Variants in IL20RB observed in about 807,000 individuals in gnomAD.
The protein encoded by IL20RB is interleukin-20 receptor subunit beta.
A neutral mutation model predicts 33.3 loss-of-function variants in IL20RB; 21 were observed. That is an observed-to-expected ratio of 0.63 (90% confidence interval 0.45 to 0.91). The LOEUF (loss-of-function observed/expected upper bound fraction) is 0.91, where lower values mean the gene tolerates loss of function less well. IL20RB is among the 40% of genes least tolerant of loss of function. The probability of loss-of-function intolerance (pLI) is 0.00; values close to 1 mark genes in which losing one functional copy is unlikely to be tolerated. For missense variants in IL20RB, 345 were observed against 384.8 expected, an observed-to-expected ratio of 0.90 and a Z score of 0.86; for synonymous variants, 147 against 146.8, an observed-to-expected ratio of 1.00 and a Z score of -0.01.
At chr3:136,995,613 C>T in intron 6 of IL20RB, 57 bp downstream of exon 6, 1 of 1,559,582 alleles carries the variant, frequency 6.4e-7, no homozygotes, top group East Asian at 2.3e-5. Context: ...GTAGTTTGGG[C>T]CTTAGCTGGG....
At chr3:136,971,323 A>G (rs1000251920) in intron 1 of IL20RB, among the ~76,000 whole-genome samples, 3 of 151,574 alleles carry the variant, frequency 2.0e-5, no homozygotes, top group Non-Finnish European at 2.9e-5. Context: ...TAGAGATGGG[A>G]TTTCACCATG....
chr3:137,004,076 G>A (rs532983670), intron 6 of IL20RB, among the ~76,000 whole-genome samples: 74 of 152,298 alleles, frequency 4.9e-4, no homozygotes, highest in African/African-American at 1.7e-3. Flanking sequence ...ATTGATTTGT[G>A]TATGTTGAAT....
At chr3:137,009,574 T>C (rs916885976) in intron 6 of IL20RB, among the ~76,000 whole-genome samples, 1 of 152,132 alleles carries the variant, frequency 6.6e-6, no homozygotes, top group Non-Finnish European at 1.5e-5. Flanking sequence ...GGTCTTGCTC[T>C]GTTACCTAGG....
intron 1 of IL20RB, among the ~76,000 whole-genome samples, chr3:136,958,778 C>T (rs1941114315): frequency 6.6e-6 from 1 of 152,156 alleles, no homozygotes; most frequent in Admixed American, 6.5e-5. Flanking sequence ...TACCTATCTG[C>T]TTTATTGTCT....
intron 6 of IL20RB, among the ~76,000 whole-genome samples, chr3:136,998,204 C>A (rs1220885800): frequency 8.8e-6 from 1 of 113,140 alleles, no homozygotes; most frequent in Non-Finnish European, 1.9e-5. Flanking sequence ...TTTTGAATTT[C>A]ACTTTAGTGA....
chr3:136,986,057 C>A (rs1401267620), intron 3 of IL20RB, among the ~76,000 whole-genome samples: 1 of 152,024 alleles, frequency 6.6e-6, no homozygotes, highest in African/African-American at 2.4e-5. Context: ...AGATCAAGAC[C>A]ATCCTGGCTA....
chr3:136,963,604 A>G (rs572057770), intron 1 of IL20RB, among the ~76,000 whole-genome samples: 2 of 147,474 alleles, frequency 1.4e-5, no homozygotes, highest in Non-Finnish European at 3.0e-5. Context: ...TCCTTTGCCT[A>G]TTTTTAGATT....
chr3:137,007,712 A>T (rs1253297835), intron 6 of IL20RB, among the ~76,000 whole-genome samples: 1 of 152,174 alleles, frequency 6.6e-6, no homozygotes, highest in African/African-American at 2.4e-5. Flanking sequence ...CTTGGCTAGG[A>T]AAGGGAAATC....
chr3:136,984,312 C>A (rs139537395), intron 3 of IL20RB, among the ~76,000 whole-genome samples: 2 of 152,084 alleles, frequency 1.3e-5, no homozygotes, highest in Non-Finnish European at 2.9e-5. Flanking sequence ...TCCTGAGAGG[C>A]TGGAGGAAGC....
intron 6 of IL20RB, among the ~76,000 whole-genome samples, chr3:136,996,218 A>C (rs755417401): frequency 3.9e-5 from 6 of 152,052 alleles, no homozygotes; most frequent in Non-Finnish European, 8.8e-5. Context: ...CACCCATGCA[A>C]TCGTAGGGGA....
chr3:137,003,759 T>A (rs959548520), intron 6 of IL20RB, among the ~76,000 whole-genome samples: 5 of 152,222 alleles, frequency 3.3e-5, no homozygotes, highest in Non-Finnish European at 7.3e-5. Context: ...ACCCTTTATT[T>A]CCTTCTCTTG....
chr3:136,999,523 T>G (rs984958124), intron 6 of IL20RB, among the ~76,000 whole-genome samples: 1 of 151,890 alleles, frequency 6.6e-6, no homozygotes, highest in Non-Finnish European at 1.5e-5. Context: ...TTAACAGATA[T>G]GAGCCACTGC....
intron 1 of IL20RB, among the ~76,000 whole-genome samples, chr3:136,976,393 G>A (rs1941618591): frequency 6.6e-6 from 1 of 152,196 alleles, no homozygotes; most frequent in African/African-American, 2.4e-5. Flanking sequence ...TGACCTCTGT[G>A]GCTACAGCCT....
At chr3:136,988,034 C>G (rs981287373) in intron 3 of IL20RB, among the ~76,000 whole-genome samples, 2 of 152,220 alleles carry the variant, frequency 1.3e-5, no homozygotes, top group Non-Finnish European at 2.9e-5. Context: ...AAGGGGCTCC[C>G]GCAGTGCAGC....
intron 3 of IL20RB, among the ~76,000 whole-genome samples, chr3:136,989,039 A>G (rs1272331799): frequency 6.6e-6 from 1 of 152,214 alleles, no homozygotes; most frequent in Non-Finnish European, 1.5e-5. Flanking sequence ...AGCCAAAGTG[A>G]GGAGCAATTT....
chr3:136,985,703 G>C (rs940876753), intron 3 of IL20RB, among the ~76,000 whole-genome samples: 3 of 152,142 alleles, frequency 2.0e-5, no homozygotes, highest in Non-Finnish European at 4.4e-5. Flanking sequence ...GCACATTTGA[G>C]TCACAGGGGA....
intron 6 of IL20RB, among the ~76,000 whole-genome samples, chr3:137,006,088 T>C (rs1182070131): frequency 6.6e-6 from 1 of 152,244 alleles, no homozygotes; most frequent in Non-Finnish European, 1.5e-5. Context: ...TGTTGAATAT[T>C]GGCCACCACT....
At chr3:136,988,091 C>A (rs1418541495) in intron 3 of IL20RB, among the ~76,000 whole-genome samples, 2 of 152,250 alleles carry the variant, frequency 1.3e-5, no homozygotes, top group Non-Finnish European at 2.9e-5. Flanking sequence ...GGAGCCCAGG[C>A]AGAGGACGCG....
At chr3:136,995,026 C>T (rs2108212192) in intron 5 of IL20RB, among the ~76,000 whole-genome samples, 1 of 152,330 alleles carries the variant, frequency 6.6e-6, no homozygotes, top group African/African-American at 2.4e-5. Context: ...AGTTACCGCC[C>T]AGCCCCATTC....
Sources: gnomAD v4.1 joint callset for allele counts (sites outside exome capture counted in the v4.1 genomes callset) on GRCh38, gnomAD v4.1.1 for gene constraint, MANE v1.5 for transcripts, NCBI Gene and HGNC (gene_info 2026-07-23, HGNC 2026-07-21) for gene names.